Variants in ARSG observed in about 807,000 individuals in gnomAD.
The protein encoded by ARSG is arylsulfatase G.
Under a neutral mutation model 50.5 loss-of-function variants are expected in ARSG, and 37 were observed. The observed-to-expected ratio is 0.73, with a 90% CI of 0.56 to 0.96. ARSG has a LOEUF of 0.96. Among genes scored for constraint, ARSG ranks in the 50% least tolerant of loss-of-function variants. The pLI, the probability that ARSG is intolerant of heterozygous loss-of-function variation, is 0.00. For missense variants in ARSG, 629 were observed against 675.3 expected (o/e 0.93, Z 0.76); for synonymous variants, 225 against 254.6 (o/e 0.88, Z 1.11).
chr17:68,306,091 C>G (rs1427868657), intron 1 of ARSG, among the ~76,000 whole-genome samples: 1 of 151,988 alleles, frequency 6.6e-6, no homozygotes, highest in Non-Finnish European at 1.5e-5. Context: ...CAATCTCTGC[C>G]TCCTGGGTTC....
chr17:68,410,044 G>A (rs1255909593), intron 11 of ARSG, among the ~76,000 whole-genome samples: 1 of 151,320 alleles, frequency 6.6e-6, no homozygotes, highest in Non-Finnish European at 1.5e-5. Context: ...GGGTTTTCTA[G>A]ATATACAATG....
intron 5 of ARSG, among the ~76,000 whole-genome samples, chr17:68,355,463 A>G (rs748302551): frequency 7.2e-5 from 11 of 152,214 alleles, no homozygotes; most frequent in East Asian, 1.9e-4. Context: ...GGTTCAAGCA[A>G]TTCTCCTGCC....
At chr17:68,430,960 G>GTAGCATT in the ARSG span, among the ~76,000 whole-genome samples, 1 of 152,150 alleles carries the variant, frequency 6.6e-6, no homozygotes, top group Non-Finnish European at 1.5e-5. Context: ...CAATGGGCTA[G>GTAGCATT]GGGGTCTTTG....
chr17:68,363,927 C>T (rs566451313), intron 6 of ARSG, among the ~76,000 whole-genome samples: 2 of 152,262 alleles, frequency 1.3e-5, no homozygotes, highest in South Asian at 4.1e-4. Context: ...GCCCATCCAT[C>T]CCCAGGGAGC....
At chr17:68,417,406 T>C (rs921669645) in intron 11 of ARSG, among the ~76,000 whole-genome samples, 4 of 152,226 alleles carry the variant, frequency 2.6e-5, no homozygotes, top group Non-Finnish European at 4.4e-5. Context: ...CAGTATTTAC[T>C]GTAAGAACTT....
At chr17:68,398,659 C>T (rs1307829893) in intron 10 of ARSG, among the ~76,000 whole-genome samples, 2 of 152,218 alleles carry the variant, frequency 1.3e-5, no homozygotes, top group Admixed American at 6.5e-5. Context: ...TTCCCTATTG[C>T]AAACCAAGTA....
chr17:68,432,347 A>G, the ARSG span, among the ~76,000 whole-genome samples: 1 of 152,204 alleles, frequency 6.6e-6, no homozygotes, highest in Non-Finnish European at 1.5e-5. Flanking sequence ...GCTTTCTCCA[A>G]CTGGTGGCAG....
chr17:68,341,246 G>A (rs974980788), intron 2 of ARSG, among the ~76,000 whole-genome samples: 6 of 151,942 alleles, frequency 3.9e-5, no homozygotes, highest in Admixed American at 6.6e-5. Flanking sequence ...TTGTTTCAGC[G>A]TTTTTTGTTT....
intron 2 of ARSG, among the ~76,000 whole-genome samples, chr17:68,333,234 A>G (rs1162891160): frequency 1.3e-5 from 2 of 152,260 alleles, no homozygotes; most frequent in Non-Finnish European, 2.9e-5. Context: ...AGGTAGGAGA[A>G]TGGCGTGAAC....
rs372464018 is a variant in ARSG, at chr17:68,329,635, C to G, written c.219-13969C>G. Reference sequence around the variant, plus strand: ...CTGCTGGGAGGCTGTGATGGAGGGCCTGTAGACCGTGCTGACTTCGAATTT... The same window carrying G: ...CTGCTGGGAGGCTGTGATGGAGGGCGTGTAGACCGTGCTGACTTCGAATTT... On this transcript the variant is annotated intron_variant, in intron 2 of 11. Transcript: ENST00000621439. 4.6e-5 allele frequency among the ~76,000 whole-genome samples: 7 copies of G among 152,268 alleles called. No individual in the cohort carries two copies. The East Asian group carries it at 1.4e-3, about 29-fold the overall frequency.
chr17:68,341,490 C>G (rs1270843114), intron 2 of ARSG, among the ~76,000 whole-genome samples: 1 of 152,208 alleles, frequency 6.6e-6, no homozygotes, highest in Non-Finnish European at 1.5e-5. Flanking sequence ...GTGTTCATAA[C>G]AGTCCCATCT....
chr17:68,309,077 G>C (rs1179419417), intron 2 of ARSG, among the ~76,000 whole-genome samples: 1 of 152,252 alleles, frequency 6.6e-6, no homozygotes, highest in East Asian at 1.9e-4. Context: ...CTAAGGCTCG[G>C]TGAGAAATCG....
At chr17:68,345,173 A>G (rs2078448265) in intron 3 of ARSG, among the ~76,000 whole-genome samples, 1 of 152,202 alleles carries the variant, frequency 6.6e-6, no homozygotes, top group Non-Finnish European at 1.5e-5. Flanking sequence ...ACATGCGTCC[A>G]TGTAAACCTC....
At chr17:68,402,673 C>T (rs988307746) in intron 11 of ARSG, among the ~76,000 whole-genome samples, 3 of 151,906 alleles carry the variant, frequency 2.0e-5, no homozygotes, top group African/African-American at 2.4e-5. Context: ...TACAGGTGCC[C>T]GCCACCTCGC....
rs1568507037 is a variant in ARSG, at chr17:68,352,155, GAGAGAGACA to G, written c.566+470_566+478del. ...GAGAGAGACAGAGGAGAGAGAGAGA[GAGAGAGACA>G]GAGAGAGAGAGAGAGAGAGACAGAG... is the stretch of plus-strand genomic sequence containing the variant. On this transcript the variant is annotated intron_variant, in intron 5 of 11. Transcript: ENST00000621439. 2.6e-3 allele frequency among the ~76,000 whole-genome samples: 200 copies of G among 75,562 alleles called. 2 individuals are homozygous for G. The highest frequency in any genetic ancestry group is 0.02 in the Middle Eastern group (2 of 100). 49.6% of individuals were successfully genotyped at this position (75,562 alleles called of 152,430 possible).
At chr17:68,422,015 C>G (rs1600225655), downstream of ARSG, 2 of 614,260 alleles carry the variant, frequency 3.3e-6, no homozygotes, top group East Asian at 5.5e-5. Flanking sequence ...TGACACAGTT[C>G]TAGAAAATAC....
At chr17:68,437,014 A>ATGTGTGTGTGTGTGTGTGTGTGTG in the ARSG span, among the ~76,000 whole-genome samples, 1 of 82,090 alleles carries the variant, frequency 1.2e-5, no homozygotes, top group East Asian at 2.4e-4. Flanking sequence ...AAATATATAT[A>ATGTGTGTGTGTGTGTGTGTGTGTG]TATGTGTGTG....
chr17:68,330,353 C>T (rs2077677061), intron 2 of ARSG, among the ~76,000 whole-genome samples: 1 of 152,084 alleles, frequency 6.6e-6, no homozygotes, highest in Non-Finnish European at 1.5e-5. Context: ...ATATTGCTCA[C>T]CTCTGGACTG....
intron 7 of ARSG, 135 bp from the exon 8 acceptor site, chr17:68,370,309 A>C (rs746407891): frequency 2.2e-5 from 15 of 689,102 alleles, no homozygotes; most frequent in Non-Finnish European, 3.7e-5. Context: ...CCACTGCACT[A>C]GGCCCATGTT....
Sources: gnomAD v4.1 joint callset for allele counts (sites outside exome capture counted in the v4.1 genomes callset) on GRCh38, gnomAD v4.1.1 for gene constraint, MANE v1.5 for transcripts, NCBI Gene and HGNC (gene_info 2026-07-23, HGNC 2026-07-21) for gene names.